Variants in PAK5 observed in about 807,000 individuals in gnomAD.
PAK5 encodes the protein serine/threonine-protein kinase PAK 5.
PAK5 carries 16 observed loss-of-function variants against 65.9 expected under a neutral mutation model. The ratio of observed to expected loss-of-function variants is 0.24; its 90% CI spans 0.16 to 0.37. The LOEUF (loss-of-function observed/expected upper bound fraction) is 0.37. Ranked by LOEUF, PAK5 falls within the 10% of genes least tolerant of loss-of-function variation. The pLI is 1.00. For missense variants in PAK5, 785 were observed against 903.9 expected, an observed-to-expected ratio of 0.87 and a Z score of 1.69; for synonymous variants, 371 against 354.9, an observed-to-expected ratio of 1.05 and a Z score of -0.51.
intron 2 of PAK5, among the ~76,000 whole-genome samples, chr20:9,667,761 C>T (rs1421469582): frequency 1.3e-5 from 2 of 152,098 alleles, no homozygotes; most frequent in African/African-American, 2.4e-5. Context: ...CATAGAATTT[C>T]GTAACTTAAA....
intron 1 of PAK5, among the ~76,000 whole-genome samples, chr20:9,790,424 C>A (rs901131367): frequency 1.3e-5 from 2 of 151,876 alleles, no homozygotes; most frequent in Admixed American, 6.6e-5. Flanking sequence ...CAGGGGAATG[C>A]GAGGATAGAA....
chr20:9,706,471 CTTTTT>C (rs34420250), intron 2 of PAK5, among the ~76,000 whole-genome samples: 2 of 125,412 alleles, frequency 1.6e-5, no homozygotes, highest in Non-Finnish European at 3.4e-5. Flanking sequence ...TCTACAAACT[CTTTTT>C]TTTTTTTTTT....
chr20:9,751,747 T>C (rs943127252), intron 1 of PAK5, among the ~76,000 whole-genome samples: 9 of 152,174 alleles, frequency 5.9e-5, no homozygotes, highest in African/African-American at 2.2e-4. Flanking sequence ...AAAAGATCAT[T>C]TGTCATGATT....
At position 9,805,186 on chromosome 20, in the gene PAK5, C is replaced by A. The variant is rs2049217003; in HGVS notation, c.-162+33576G>T. Among the ~76,000 whole-genome samples the A allele has an allele frequency of 4.6e-5, 7 of 152,288 alleles. No homozygotes were observed. In the South Asian group the frequency reaches 1.5e-3, roughly 32 times the overall value. On this transcript the variant is annotated intron_variant, in intron 1 of 9. Transcript: ENST00000353224. ...AACCACAATGAGATACCACTTCACA[C>A]TCACTAGGATGGCTAGAATCGAATA...
chr20:9,764,482 A>G (rs762221947), intron 1 of PAK5, among the ~76,000 whole-genome samples: 2 of 152,192 alleles, frequency 1.3e-5, no homozygotes, highest in Non-Finnish European at 2.9e-5. Flanking sequence ...AAATGTGGGT[A>G]TATCACTTTG....
chr20:9,782,209 T>C (rs919686832), intron 1 of PAK5, among the ~76,000 whole-genome samples: 3 of 152,106 alleles, frequency 2.0e-5, no homozygotes, highest in African/African-American at 7.2e-5. Context: ...CCCCCAGATA[T>C]CTACATGTTC....
At chr20:9,722,980 C>T (rs897592959) in intron 1 of PAK5, among the ~76,000 whole-genome samples, 3 of 152,118 alleles carry the variant, frequency 2.0e-5, no homozygotes, top group Non-Finnish European at 2.9e-5. Flanking sequence ...ATCCTCCCCC[C>T]CTCATTCTCC....
chr20:9,721,862 G>A (rs1181707879), intron 1 of PAK5, among the ~76,000 whole-genome samples: 1 of 151,984 alleles, frequency 6.6e-6, no homozygotes, highest in East Asian at 1.9e-4. Flanking sequence ...CATTTAAAAT[G>A]TCCAGAAGCA....
intron 1 of PAK5, among the ~76,000 whole-genome samples, chr20:9,778,339 G>A (rs2048907016): frequency 6.6e-6 from 1 of 152,172 alleles, no homozygotes; most frequent in Non-Finnish European, 1.5e-5. Flanking sequence ...CTGGGCTCAA[G>A]TGATTCTCTC....
chr20:9,545,127 T>C (rs183119972), intron 7 of PAK5, among the ~76,000 whole-genome samples: 32 of 152,252 alleles, frequency 2.1e-4, no homozygotes, highest in African/African-American at 7.0e-4. Context: ...AACACAGGCA[T>C]AGAACCTGGG....
At chr20:9,549,601 C>T (rs113238708) in intron 7 of PAK5, among the ~76,000 whole-genome samples, 4 of 152,192 alleles carry the variant, frequency 2.6e-5, no homozygotes, top group South Asian at 2.1e-4. Context: ...GGCCATACCC[C>T]GTGTGAAAGG....
At chr20:9,831,231 G>A (rs751577984) in intron 1 of PAK5, among the ~76,000 whole-genome samples, 1 of 152,202 alleles carries the variant, frequency 6.6e-6, no homozygotes, top group Non-Finnish European at 1.5e-5. Context: ...GCGCGCGTGC[G>A]TGTGTTTGGG....
chr20:9,700,300 A>G (rs926807132), intron 2 of PAK5, among the ~76,000 whole-genome samples: 1 of 152,140 alleles, frequency 6.6e-6, no homozygotes, highest in Non-Finnish European at 1.5e-5. Flanking sequence ...GGTCCCAGAT[A>G]CTAGGGAGTC....
At chr20:9,547,286 T>C (rs1025360616) in intron 7 of PAK5, among the ~76,000 whole-genome samples, 6 of 152,176 alleles carry the variant, frequency 3.9e-5, no homozygotes, top group African/African-American at 1.4e-4. Flanking sequence ...CTCTGGACTC[T>C]TGAATCATGA....
chr20:9,711,989 T>C (rs1406328352), intron 1 of PAK5, among the ~76,000 whole-genome samples: 1 of 152,200 alleles, frequency 6.6e-6, no homozygotes, highest in African/African-American at 2.4e-5. Flanking sequence ...TGTTTATACA[T>C]ATTGTTGATT....
intron 3 of PAK5, among the ~76,000 whole-genome samples, chr20:9,586,160 A>C (rs1234392844): frequency 6.6e-6 from 1 of 152,204 alleles, no homozygotes; most frequent in African/African-American, 2.4e-5. Flanking sequence ...ATGTCCAAAA[A>C]ACCTATTAGT....
rs2048123393 is a variant in PAK5 at position 9,714,874 on chromosome 20, C to A, written c.-161-3439G>T. Among the ~76,000 whole-genome samples the A allele has an allele frequency of 2.0e-5, 3 of 152,166 alleles. No individual in the cohort carries two copies. In the South Asian group the frequency reaches 6.2e-4, roughly 32 times the overall value. On this transcript the variant is annotated intron_variant, in intron 1 of 9. Transcript: ENST00000353224. ...AAGCTGGAACTAGATCCCTTCCTTA[C>A]ACCTTATACAAAAATTAATTCAAGA...
chr20:9,699,195 GT>G (rs1334933991), intron 2 of PAK5, among the ~76,000 whole-genome samples: 1 of 152,148 alleles, frequency 6.6e-6, no homozygotes, highest in Non-Finnish European at 1.5e-5. Flanking sequence ...GAAATACACA[GT>G]CCTGATTGTA....
chr20:9,814,541 C>T (rs2049333973), intron 1 of PAK5, among the ~76,000 whole-genome samples: 1 of 152,172 alleles, frequency 6.6e-6, no homozygotes, highest in Non-Finnish European at 1.5e-5. Flanking sequence ...TATCACAACA[C>T]TGTTAACTAT....
Sources: allele counts gnomAD v4.1 joint callset (sites outside exome capture counted in the v4.1 genomes callset), GRCh38; gene constraint gnomAD v4.1.1; transcripts MANE v1.5; gene names NCBI Gene and HGNC (gene_info 2026-07-23, HGNC 2026-07-21).